CSMD1: variants seen among roughly 807,000 people sequenced by gnomAD.
The protein encoded by CSMD1 is CUB and sushi domain-containing protein 1.
Under a neutral mutation model 417.5 loss-of-function variants are expected in CSMD1, and 213 were observed. That is an observed-to-expected ratio of 0.51 (90% CI 0.46 to 0.57). The LOEUF is 0.57. Among genes scored for constraint, CSMD1 ranks in the 20% least tolerant of loss-of-function variants. The pLI, the probability that CSMD1 is intolerant of heterozygous loss-of-function variation, is 0.00. For synonymous variants in CSMD1, 2,862 were observed against 1,736.8 expected, an observed-to-expected ratio of 1.65 and a Z score of -16.11; for missense variants, 6,923 against 4,529.7, an observed-to-expected ratio of 1.53 and a Z score of -15.17.
chr8:4,761,858 T>C (rs140656909), intron 1 of CSMD1, among the ~76,000 whole-genome samples: 2,454 of 82,246 alleles, frequency 0.03, 49 homozygotes, highest in Non-Finnish European at 0.036. Context: ...TATCTATCTA[T>C]CTATCTATCT....
chr8:3,481,227 C>T (rs1341967053), intron 11 of CSMD1, among the ~76,000 whole-genome samples: 2 of 145,566 alleles, frequency 1.4e-5, no homozygotes, highest in African/African-American at 5.0e-5. Flanking sequence ...CAAGAACATT[C>T]TTCTTGAAAA....
intron 36 of CSMD1, among the ~76,000 whole-genome samples, chr8:3,182,782 T>C (rs528615497): frequency 2.3e-4 from 32 of 137,422 alleles, no homozygotes; most frequent in African/African-American, 8.5e-4. Context: ...GTTAGAGAAG[T>C]GGTTTCACCG....
intron 10 of CSMD1, among the ~76,000 whole-genome samples, chr8:3,568,724 T>G (rs879503929): frequency 6.6e-6 from 1 of 151,958 alleles, no homozygotes; most frequent in Admixed American, 6.6e-5. Flanking sequence ...TATCTATGCA[T>G]ATATATATAC....
chr8:3,219,477 A>G, intron 28 of CSMD1, 35 bp from the exon 29 acceptor site: 1 of 1,366,616 alleles, frequency 7.3e-7, no homozygotes, highest in Non-Finnish European at 9.6e-7. Flanking sequence ...TCATACGGCT[A>G]ACAGATATTT....
intron 26 of CSMD1, among the ~76,000 whole-genome samples, chr8:3,274,679 GTAA>G (rs1243160721): frequency 6.6e-6 from 1 of 152,090 alleles, no homozygotes; most frequent in African/African-American, 2.4e-5. Flanking sequence ...TTACCATTAT[GTAA>G]TGGCCTTCTT....
At chr8:4,474,207 G>A (rs1212186864) in intron 2 of CSMD1, among the ~76,000 whole-genome samples, 3 of 151,868 alleles carry the variant, frequency 2.0e-5, no homozygotes, top group Non-Finnish European at 4.4e-5. Flanking sequence ...ATGTAAGAAC[G>A]GCCTACAAGT....
intron 10 of CSMD1, among the ~76,000 whole-genome samples, chr8:3,527,597 C>A (rs1009389988): frequency 6.6e-6 from 1 of 152,162 alleles, no homozygotes; most frequent in South Asian, 2.1e-4. Context: ...TACACACACA[C>A]ACACACGGGC....
intron 4 of CSMD1, among the ~76,000 whole-genome samples, chr8:4,015,002 C>T (rs912446944): frequency 9.9e-5 from 15 of 152,278 alleles, no homozygotes; most frequent in South Asian, 4.1e-4. Context: ...ATGCAAACCA[C>T]GTAGACCAGG....
intron 2 of CSMD1, among the ~76,000 whole-genome samples, chr8:4,485,589 T>C (rs77375027): frequency 0.099 from 15,043 of 152,154 alleles, 987 homozygotes; most frequent in South Asian, 0.2. Context: ...TATCCATGGA[T>C]GTTCAAGCTA....
At chr8:4,898,374 A>AT (rs112699140) in intron 1 of CSMD1, among the ~76,000 whole-genome samples, 6,546 of 152,088 alleles carry the variant, frequency 0.043, 216 homozygotes, top group African/African-American at 0.081. Flanking sequence ...CACACCTGCC[A>AT]TTTTTTTGCA....
intron 41 of CSMD1, chr8:3,127,648 T>C (rs1286105180): frequency 6.6e-6 from 1 of 152,166 alleles, no homozygotes; most frequent in Non-Finnish European, 1.5e-5. Context: ...AAATGGTGTT[T>C]GGCACACATA....
rs75402305 is a variant in CSMD1, at chr8:4,023,076, T to C, written c.610+8829A>G. 2.0e-5 allele frequency among the ~76,000 whole-genome samples: 3 copies of C among 152,344 alleles called. No homozygotes were observed. The East Asian group carries it at 5.8e-4, about 30-fold the overall frequency. Reference sequence around the variant, plus strand: ...TCCTGGCTCTCTTTGCAGTGAAATATGGCCTCATGGTTGAGCTTCAGCTAA... The same window carrying C: ...TCCTGGCTCTCTTTGCAGTGAAATACGGCCTCATGGTTGAGCTTCAGCTAA... On this transcript the variant is annotated intron_variant, in intron 4 of 69. Coordinates refer to ENST00000635120, the MANE Select transcript of CSMD1 (RefSeq NM_033225.6).
chr8:3,304,371 T>G (rs1182326828), intron 25 of CSMD1, among the ~76,000 whole-genome samples: 2 of 152,128 alleles, frequency 1.3e-5, no homozygotes, highest in Non-Finnish European at 2.9e-5. Flanking sequence ...TTTCTGAGTA[T>G]TAGTACAATT....
chr8:3,904,718 C>A (rs1290699736), intron 5 of CSMD1, among the ~76,000 whole-genome samples: 3 of 148,824 alleles, frequency 2.0e-5, no homozygotes, highest in Non-Finnish European at 3.0e-5. Flanking sequence ...CTCACAGCAA[C>A]CTCGGCCTCC....
chr8:4,321,690 G>T (rs141407237), intron 3 of CSMD1, among the ~76,000 whole-genome samples: 1 of 152,142 alleles, frequency 6.6e-6, no homozygotes, highest in Non-Finnish European at 1.5e-5. Flanking sequence ...CTAAGATAGT[G>T]ATAGGAATCA....
chr8:4,023,853 G>C (rs1010197137), intron 4 of CSMD1, among the ~76,000 whole-genome samples: 1 of 143,916 alleles, frequency 6.9e-6, no homozygotes, highest in African/African-American at 2.6e-5. Context: ...TCCTGACCTC[G>C]GGATCTGCCC....
intron 5 of CSMD1, among the ~76,000 whole-genome samples, chr8:3,979,350 G>A (rs749000915): frequency 6.6e-6 from 1 of 152,198 alleles, no homozygotes; most frequent in African/African-American, 2.4e-5. Flanking sequence ...GCTGTTCTAA[G>A]GCATGAGAGA....
chr8:4,481,106 G>T (rs1234539256), intron 2 of CSMD1, among the ~76,000 whole-genome samples: 2 of 152,166 alleles, frequency 1.3e-5, no homozygotes, highest in African/African-American at 4.8e-5. Context: ...TTCCACTCCA[G>T]CCTTATTTAC....
intron 3 of CSMD1, among the ~76,000 whole-genome samples, chr8:4,252,012 G>T (rs547066208): frequency 6.6e-6 from 1 of 152,076 alleles, no homozygotes; most frequent in Non-Finnish European, 1.5e-5. Flanking sequence ...GAGAACTTAC[G>T]TATTTTTGAG....
Sources: gnomAD v4.1 joint callset for allele counts (sites outside exome capture counted in the v4.1 genomes callset) on GRCh38, gnomAD v4.1.1 for gene constraint, MANE v1.5 for transcripts, NCBI Gene and HGNC (gene_info 2026-07-23, HGNC 2026-07-21) for gene names.